MLLT3: variants seen among roughly 807,000 people sequenced by gnomAD.
The protein encoded by MLLT3 is MLLT3 super elongation complex subunit, also known as protein AF-9.
A neutral mutation model predicts 53.2 loss-of-function variants in MLLT3; 4 were observed. The observed-to-expected ratio is 0.08, with a 90% CI of 0.04 to 0.17. The LOEUF (loss-of-function observed/expected upper bound fraction) is 0.17, where lower values mean the gene tolerates loss of function less well. MLLT3 is among the 10% of genes least tolerant of loss of function. The pLI is 1.00. For synonymous variants in MLLT3, 283 were observed against 230.6 expected, an observed-to-expected ratio of 1.23 and a Z score of -2.06; for missense variants, 569 against 684.0, an observed-to-expected ratio of 0.83 and a Z score of 1.87.
At chr9:20,519,225 G>C (rs1388688083) in intron 2 of MLLT3, among the ~76,000 whole-genome samples, 3 of 152,076 alleles carry the variant, frequency 2.0e-5, no homozygotes, top group Non-Finnish European at 4.4e-5. Flanking sequence ...ATAAAGTCTG[G>C]AAATTAGTTA....
In MLLT3 at chr9:20,515,031, C is replaced by T. The variant is rs146052029; in HGVS notation, c.194-58245G>A. Among the ~76,000 whole-genome samples the T allele has an allele frequency of 5.0e-3, 739 of 146,818 alleles. 4 individuals are homozygous for T. Among genetic ancestry groups the T allele is most frequent in the African/African-American group, 0.017 (652 of 39,502 alleles). On this transcript the variant is annotated intron_variant, in intron 2 of 10. Transcript: ENST00000380338. Reference sequence around the variant, plus strand: ...GCGTTATCTCGGCTCACCGCAACCTCTGCCTCCCGGGTTCAGGCGATTCTC... The same window carrying T: ...GCGTTATCTCGGCTCACCGCAACCTTTGCCTCCCGGGTTCAGGCGATTCTC...
chr9:20,480,082 T>C (rs1312688963), intron 2 of MLLT3, among the ~76,000 whole-genome samples: 2 of 152,232 alleles, frequency 1.3e-5, no homozygotes, highest in South Asian at 4.1e-4. Flanking sequence ...AGGTATTCTA[T>C]CTGCTCTCTT....
intron 5 of MLLT3, among the ~76,000 whole-genome samples, chr9:20,412,187 C>T (rs1486643373): frequency 6.6e-6 from 1 of 152,068 alleles, no homozygotes; most frequent in Non-Finnish European, 1.5e-5. Flanking sequence ...AACAGCATTT[C>T]AGGGTGATTG....
rs2118580245 is a variant in MLLT3 at position 20,346,375 on chromosome 9, C to CA, written c.*67dup. On this transcript the variant is annotated 3_prime_UTR_variant, in exon 11 of 11. Transcript: ENST00000380338. ...TATAAACAACAAGAACAAAAAATCA[C>CA]AACCAAAAAAAAAAAAAACCAAAAA... is the stretch of plus-strand genomic sequence containing the variant. 2 of 1,245,164 alleles carry CA rather than the reference C, an allele frequency of 1.6e-6. No homozygotes were observed. Among genetic ancestry groups the CA allele is most frequent in the Non-Finnish European group, 2.1e-6 (2 of 953,930 alleles). 77.1% of individuals were successfully genotyped at this position (1,245,164 alleles called of 1,614,324 possible). A position where few individuals can be genotyped will look rare whatever the true frequency, so the allele number is the denominator to read the frequency against.
chr9:20,436,396 G>A (rs991835266), intron 4 of MLLT3, among the ~76,000 whole-genome samples: 4 of 152,130 alleles, frequency 2.6e-5, no homozygotes, highest in African/African-American at 7.2e-5. Flanking sequence ...AGAAGCAAGA[G>A]AAATACAGGA....
rs528787101 is a variant in MLLT3, at chr9:20,450,918, A to G, written c.277-2652T>C. On this transcript the variant is annotated intron_variant, in intron 3 of 10. Transcript: ENST00000380338. Reference sequence around the variant, plus strand: ...AGCCTTTTTGGTAGACATCTTGGCAATATCTATCAACATACCAAATATATA... The same window carrying G: ...AGCCTTTTTGGTAGACATCTTGGCAGTATCTATCAACATACCAAATATATA... 4.4e-4 allele frequency among the ~76,000 whole-genome samples: 67 copies of G among 152,356 alleles called. 1 individual carries two copies. In the East Asian group the frequency reaches 8.1e-3, roughly 18 times the overall value.
chr9:20,412,693 G>A (rs1375195356), intron 5 of MLLT3, among the ~76,000 whole-genome samples: 3 of 152,118 alleles, frequency 2.0e-5, no homozygotes, highest in Admixed American at 6.6e-5. Flanking sequence ...CTTGACCATT[G>A]CCTAGAAATA....
At chr9:20,486,058 C>G (rs1054070418) in intron 2 of MLLT3, among the ~76,000 whole-genome samples, 1 of 152,126 alleles carries the variant, frequency 6.6e-6, no homozygotes, top group Non-Finnish European at 1.5e-5. Context: ...TAACACTTCA[C>G]TCACACACGT....
intron 2 of MLLT3, among the ~76,000 whole-genome samples, chr9:20,465,976 C>A (rs1360352965): frequency 1.4e-4 from 22 of 152,120 alleles, no homozygotes. Context: ...CCACTTTTCT[C>A]AAGCAAGGAT....
At chr9:20,493,713 G>C (rs1216047156) in intron 2 of MLLT3, among the ~76,000 whole-genome samples, 2 of 151,924 alleles carry the variant, frequency 1.3e-5, no homozygotes, top group African/African-American at 2.4e-5. Context: ...AATTACATGA[G>C]AAATACCTTA....
At position 20,589,912 on chromosome 9, in the gene MLLT3, T is replaced by C. The variant is rs550320451; in HGVS notation, c.193+30742A>G. 5.9e-5 allele frequency among the ~76,000 whole-genome samples: 9 copies of C among 152,166 alleles called. No individual in the cohort carries two copies. The East Asian group carries it at 1.5e-3, about 26-fold the overall frequency. ...TTTTAGTAGAGATGGGGTTTCACCA[T>C]CTTGGCCAGGCTGGCCTCGAACTCC... On this transcript the variant is annotated intron_variant, in intron 2 of 10. Coordinates refer to ENST00000380338, the MANE Select transcript of MLLT3 (RefSeq NM_004529.4).
At chr9:20,505,255 G>C (rs1370697555) in intron 2 of MLLT3, among the ~76,000 whole-genome samples, 1 of 152,338 alleles carries the variant, frequency 6.6e-6, no homozygotes, top group Middle Eastern at 3.4e-3. Flanking sequence ...CTTTCTGCAA[G>C]AAGCTTGGTT....
chr9:20,441,336 G>C (rs1394946685), intron 4 of MLLT3, among the ~76,000 whole-genome samples: 1 of 152,114 alleles, frequency 6.6e-6, no homozygotes, highest in African/African-American at 2.4e-5. Context: ...CCACTAAATA[G>C]GTTGAGTGAC....
intron 4 of MLLT3, among the ~76,000 whole-genome samples, chr9:20,420,561 ATACT>A (rs985724736): frequency 1.1e-4 from 17 of 152,234 alleles, no homozygotes; most frequent in Non-Finnish European, 2.9e-5. Flanking sequence ...AGATTTAAAA[ATACT>A]TAGTTAAATG....
intron 2 of MLLT3, among the ~76,000 whole-genome samples, chr9:20,506,916 T>A (rs1325565192): frequency 1.3e-5 from 2 of 152,170 alleles, no homozygotes; most frequent in African/African-American, 4.8e-5. Flanking sequence ...AAAGTAGTAG[T>A]TAATCACTTG....
At chr9:20,432,788 C>T (rs1244449689) in intron 4 of MLLT3, among the ~76,000 whole-genome samples, 1 of 152,026 alleles carries the variant, frequency 6.6e-6, no homozygotes, top group Non-Finnish European at 1.5e-5. Context: ...AAATTATTTC[C>T]ATCCTTCACA....
At chr9:20,506,269 G>C (rs1182953849) in intron 2 of MLLT3, among the ~76,000 whole-genome samples, 1 of 152,082 alleles carries the variant, frequency 6.6e-6, no homozygotes, top group African/African-American at 2.4e-5. Flanking sequence ...TTGAACTTCT[G>C]AGCTCAGGAG....
At chr9:20,560,731 T>G (rs1819181823) in intron 2 of MLLT3, among the ~76,000 whole-genome samples, 1 of 152,152 alleles carries the variant, frequency 6.6e-6, no homozygotes, top group East Asian at 1.9e-4. Flanking sequence ...GCAGAGAGGA[T>G]AGCCTTACAC....
chr9:20,465,763 C>G (rs1824223808), intron 2 of MLLT3, among the ~76,000 whole-genome samples: 1 of 152,092 alleles, frequency 6.6e-6, no homozygotes, highest in Non-Finnish European at 1.5e-5. Context: ...TTTTTCCCCC[C>G]TGCATGGCAT....
Sources: gnomAD v4.1 joint callset for allele counts (sites outside exome capture counted in the v4.1 genomes callset) on GRCh38, gnomAD v4.1.1 for gene constraint, MANE v1.5 for transcripts, NCBI Gene and HGNC (gene_info 2026-07-23, HGNC 2026-07-21) for gene names.